The following SHOC1 variants were observed in gnomAD, a reference collection of about 807,000 sequenced individuals.
The protein encoded by SHOC1 is protein shortage in chiasmata 1 ortholog.
Under a neutral mutation model 179.2 loss-of-function variants are expected in SHOC1, and 136 were observed. The observed-to-expected ratio is 0.76, with a 90% CI of 0.66 to 0.87. The LOEUF (loss-of-function observed/expected upper bound fraction) is 0.87. SHOC1 is among the 40% of genes least tolerant of loss of function. SHOC1 has a pLI of 0.00. For synonymous variants in SHOC1, 489 were observed against 586.6 expected (o/e 0.83, Z 2.41); for missense variants, 1,538 against 1,700.8 (o/e 0.90, Z 1.68).
intron 5 of SHOC1, among the ~76,000 whole-genome samples, chr9:111,768,950 T>C (rs184113502): frequency 2.0e-5 from 3 of 152,328 alleles, no homozygotes; most frequent in Admixed American, 1.3e-4. Context: ...TTGATGATGG[T>C]TTTTATCATA....
intron 2 of SHOC1, among the ~76,000 whole-genome samples, chr9:111,786,483 T>C (rs2131644973): frequency 6.6e-6 from 1 of 150,834 alleles, no homozygotes; most frequent in African/African-American, 2.4e-5. Flanking sequence ...TATTGTGCTT[T>C]ATTCTATTGT....
In SHOC1 at chr9:111,738,523, C is replaced by T; in HGVS notation, c.1175-1G>A. On this transcript the variant is annotated splice_acceptor_variant, in intron 11 of 27. Coordinates refer to ENST00000682961, the MANE Select transcript of SHOC1 (RefSeq NM_001378211.1). LOFTEE classifies it high-confidence loss of function. ...CTGTGGGGCTCTTGAATTCTTGGCA[C>T]TTAAAAAAAAATAAAAAACAAATAG... is the stretch of plus-strand genomic sequence containing the variant. The T allele has an allele frequency of 1.3e-6, 2 of 1,528,072 alleles. No homozygotes were observed. Among genetic ancestry groups the T allele is most frequent in the Non-Finnish European group, 1.7e-6 (2 of 1,145,708 alleles). The allele number at this position is 1,528,072 out of a possible 1,614,324, so 94.7% of individuals were successfully genotyped here.
At chr9:111,794,063 G>A (rs1836540314) in intron 1 of SHOC1, among the ~76,000 whole-genome samples, 4 of 151,108 alleles carry the variant, frequency 2.6e-5, no homozygotes, top group Non-Finnish European at 5.9e-5. Context: ...TGTTGGCCAG[G>A]CTGATTTCGA....
At chr9:111,759,810 G>T (rs565739491) in intron 5 of SHOC1, among the ~76,000 whole-genome samples, 1 of 152,106 alleles carries the variant, frequency 6.6e-6, no homozygotes, top group Non-Finnish European at 1.5e-5. Flanking sequence ...CTACATAATT[G>T]GTATGCAGGC....
intron 17 of SHOC1, 124 bp downstream of exon 17, chr9:111,714,321 T>A (rs531667458): frequency 1.2e-6 from 1 of 850,638 alleles, no homozygotes; most frequent in African/African-American, 1.7e-5. Context: ...ATTCAAGGAC[T>A]AAACCATCAA....
chr9:111,742,313 T>C (rs1834081249), intron 10 of SHOC1, among the ~76,000 whole-genome samples: 1 of 152,194 alleles, frequency 6.6e-6, no homozygotes, highest in Non-Finnish European at 1.5e-5. Flanking sequence ...ATAAAATTGC[T>C]GTCCCCAAGT....
intron 16 of SHOC1, among the ~76,000 whole-genome samples, 167 bp from the exon 17 acceptor site, chr9:111,714,790 A>C (rs1832715402): frequency 6.6e-6 from 1 of 152,208 alleles, no homozygotes; most frequent in Non-Finnish European, 1.5e-5. Context: ...AAACTGAGTG[A>C]AGCTTAAAAA....
chr9:111,780,144 A>G (rs1448445077), intron 4 of SHOC1, among the ~76,000 whole-genome samples: 1 of 152,192 alleles, frequency 6.6e-6, no homozygotes, highest in Non-Finnish European at 1.5e-5. Flanking sequence ...TTAAATTCCT[A>G]GGTGACAGAG....
At chr9:111,741,166 C>T (rs1437161893) in intron 11 of SHOC1, among the ~76,000 whole-genome samples, 1 of 151,728 alleles carries the variant, frequency 6.6e-6, no homozygotes, top group Non-Finnish European at 1.5e-5. Context: ...TTTTTACAAA[C>T]AACTCACAAC....
chr9:111,772,213 G>A lies in SHOC1; in HGVS notation c.442+3578C>T, dbSNP rs1321865518. 2.6e-5 allele frequency among the ~76,000 whole-genome samples: 4 copies of A among 152,148 alleles called. No homozygotes were observed. The East Asian group carries it at 7.7e-4, about 29-fold the overall frequency. On this transcript the variant is annotated intron_variant, in intron 5 of 27. Coordinates refer to ENST00000682961, the MANE Select transcript of SHOC1 (RefSeq NM_001378211.1). ...AGCCTCTAATTAGTTGTTCAGCTCA[G>A]CAAACGTATTTCTCAGTTCCAAAAT...
chr9:111,729,162 C>T lies in SHOC1; in HGVS notation c.1418-1113G>A, dbSNP rs559272653. ...ACATGGTCCTCCTCTGTAGCCCAGG[C>T]TGGAATGCAGTGCCACAATCATAGC... On this transcript the variant is annotated intron_variant, in intron 12 of 27. Transcript: ENST00000682961. 2.7e-3 allele frequency among the ~76,000 whole-genome samples: 410 copies of T among 152,188 alleles called. 2 individuals carry two copies. Among genetic ancestry groups the T allele is most frequent in the African/African-American group, 9.6e-3 (397 of 41,510 alleles).
At chr9:111,704,948 A>G (rs1198975655) in intron 21 of SHOC1, among the ~76,000 whole-genome samples, 2 of 152,180 alleles carry the variant, frequency 1.3e-5, no homozygotes, top group Non-Finnish European at 2.9e-5. Context: ...AATGCAAGTA[A>G]AACATGAATT....
chr9:111,718,343 T>A, intron 15 of SHOC1, 55 bp from the exon 16 acceptor site: 1 of 1,168,152 alleles, frequency 8.6e-7, no homozygotes, highest in African/African-American at 1.6e-5. Context: ...AGTTTTAGAA[T>A]ATGTATCAGA....
intron 8 of SHOC1, among the ~76,000 whole-genome samples, chr9:111,750,059 G>A (rs1297966184): frequency 6.6e-6 from 1 of 152,060 alleles, no homozygotes; most frequent in African/African-American, 2.4e-5. Context: ...TGGGATTGCT[G>A]GGTCAAATGG....
At chr9:111,700,569 CAA>C (rs144441164) in intron 23 of SHOC1, among the ~76,000 whole-genome samples, 8,337 of 152,116 alleles carry the variant, frequency 0.055, 552 homozygotes, top group African/African-American at 0.16. Context: ...CCCTAAGCAA[CAA>C]AGAGGAAATT....
Position 111,762,868 on chromosome 9 carries a change from CA to C in SHOC1, c.443-4021del, listed in dbSNP as rs1036019435. Among the ~76,000 whole-genome samples, 185 of 143,140 alleles carry C rather than the reference CA, an allele frequency of 1.3e-3. 1 individual carries two copies. The highest frequency in any genetic ancestry group is 1.8e-3 in the African/African-American group (69 of 38,990). 93.9% of individuals were successfully genotyped at this position (143,140 alleles called of 152,430 possible). A position where few individuals can be genotyped will look rare whatever the true frequency, so the allele number is the denominator to read the frequency against. ...AGCGGTTTTAGTCAGTATAGTCAGA[CA>C]AAAAAAAAAGATTAAATATTGCAAA... is the stretch of plus-strand genomic sequence containing the variant. On this transcript the variant is annotated intron_variant, in intron 5 of 27. Transcript: ENST00000682961.
chr9:111,756,789 AAC>A (rs1834881443), intron 7 of SHOC1, among the ~76,000 whole-genome samples: 1 of 152,212 alleles, frequency 6.6e-6, no homozygotes, highest in Non-Finnish European at 1.5e-5. Flanking sequence ...TTAAATTAAA[AAC>A]AGTCACTGCA....
intron 24 of SHOC1, among the ~76,000 whole-genome samples, chr9:111,697,602 T>C (rs1440548809): frequency 6.6e-6 from 1 of 152,234 alleles, no homozygotes; most frequent in Non-Finnish European, 1.5e-5. Flanking sequence ...TGATGGACAT[T>C]TGAGTTGGTT....
intron 13 of SHOC1, 64 bp from the exon 14 acceptor site, chr9:111,723,975 T>G (rs1318084961): frequency 4.9e-6 from 6 of 1,217,620 alleles, no homozygotes; most frequent in Non-Finnish European, 6.8e-6. Flanking sequence ...TTGTTTTACC[T>G]TAATTTTTTT....
Sources: gnomAD v4.1 joint callset for allele counts (sites outside exome capture counted in the v4.1 genomes callset) on GRCh38, gnomAD v4.1.1 for gene constraint, MANE v1.5 for transcripts, NCBI Gene and HGNC (gene_info 2026-07-23, HGNC 2026-07-21) for gene names.